The following SRGAP2B variants were observed in gnomAD, a reference collection of about 807,000 sequenced individuals.
The protein encoded by SRGAP2B is SLIT-ROBO Rho GTPase-activating protein 2B.
Under a neutral mutation model 22.2 loss-of-function variants are expected in SRGAP2B, and 9 were observed. The ratio of observed to expected loss-of-function variants is 0.41; its 90% CI spans 0.24 to 0.71. SRGAP2B has a LOEUF of 0.71. Ranked by LOEUF, SRGAP2B falls within the 30% of genes least tolerant of loss-of-function variation. SRGAP2B has a pLI of 0.35. For synonymous variants in SRGAP2B, 36 were observed against 87.4 expected, an observed-to-expected ratio of 0.41 and a Z score of 3.28; for missense variants, 114 against 235.8, an observed-to-expected ratio of 0.48 and a Z score of 3.38.
chr1:144,911,646 C>T (rs1663420532), intron 5 of SRGAP2B, among the ~76,000 whole-genome samples: 1 of 146,258 alleles, frequency 6.8e-6, no homozygotes, highest in South Asian at 2.1e-4. Flanking sequence ...GAGACCGAGT[C>T]TTGCTCTGTC....
At chr1:144,957,205 T>C (rs1553610497) in intron 3 of SRGAP2B, among the ~76,000 whole-genome samples, 1 of 150,726 alleles carries the variant, frequency 6.6e-6, no homozygotes, top group African/African-American at 2.5e-5. Flanking sequence ...GAGTTGAGAG[T>C]AGCTTGGTTA....
At chr1:145,008,907 C>T (rs1194341648) in intron 2 of SRGAP2B, among the ~76,000 whole-genome samples, 1 of 149,710 alleles carries the variant, frequency 6.7e-6, no homozygotes, top group African/African-American at 2.5e-5. Flanking sequence ...CGCGGTGGCT[C>T]ACGCCTATAA....
chr1:144,929,438 G>A (rs1665017326), intron 4 of SRGAP2B, among the ~76,000 whole-genome samples: 1 of 150,346 alleles, frequency 6.7e-6, no homozygotes, highest in Non-Finnish European at 1.5e-5. Context: ...TATAGTTTTG[G>A]CTCTTGCATT....
chr1:145,079,947 C>T lies in SRGAP2B; in HGVS notation c.67+12888G>A, dbSNP rs587716204. ...AGTTCCATAACCACACTGCCTCCCC[C>T]AGGTTTGTCCCAGACCAGATGTCAG... is the stretch of plus-strand genomic sequence containing the variant. On this transcript the variant is annotated intron_variant, in intron 2 of 9. Transcript: ENST00000612199. Among the ~76,000 whole-genome samples the T allele has an allele frequency of 2.0e-3, 302 of 150,012 alleles. 16 individuals carry two copies. The highest frequency in any genetic ancestry group is 7.2e-3 in the African/African-American group (289 of 39,898).
In SRGAP2B at chr1:144,921,189, A is replaced by AT. The variant is rs1160927371; in HGVS notation, c.424-6436dup. On this transcript the variant is annotated intron_variant, in intron 4 of 9. Coordinates refer to ENST00000612199, the Ensembl canonical transcript of SRGAP2B. ...AGTTAGTTTTTTTAGTTTAAGATCA[A>AT]TTTTTTTTCCTGTCCCAGCCAAGAG... is the stretch of plus-strand genomic sequence containing the variant. Among the ~76,000 whole-genome samples, 6 of 131,496 alleles carry AT rather than the reference A, an allele frequency of 4.6e-5. No homozygotes were observed. The East Asian group carries it at 6.5e-4, about 14-fold the overall frequency. 86.3% of individuals were successfully genotyped at this position (131,496 alleles called of 152,430 possible).
intron 2 of SRGAP2B, among the ~76,000 whole-genome samples, chr1:145,020,551 C>T (rs1469272987): frequency 6.9e-6 from 1 of 145,378 alleles, no homozygotes; most frequent in Non-Finnish European, 1.5e-5. Flanking sequence ...CTTCTAAATA[C>T]TAGCAATTTA....
At chr1:144,916,123 G>A (rs1663877211) in intron 4 of SRGAP2B, among the ~76,000 whole-genome samples, 2 of 150,204 alleles carry the variant, frequency 1.3e-5, no homozygotes, top group South Asian at 4.2e-4. Flanking sequence ...ATTATAATAA[G>A]GAAACTAGAA....
At chr1:144,973,093 G>A (rs1309067103) in intron 3 of SRGAP2B, among the ~76,000 whole-genome samples, 1 of 146,728 alleles carries the variant, frequency 6.8e-6, no homozygotes, top group Non-Finnish European at 1.5e-5. Context: ...GGGTGAAAGA[G>A]TGAGACCCCA....
intron 2 of SRGAP2B, among the ~76,000 whole-genome samples, chr1:145,009,046 G>C (rs1189746053): frequency 6.8e-6 from 1 of 146,250 alleles, no homozygotes; most frequent in Non-Finnish European, 1.5e-5. Flanking sequence ...GCGTGGTGGC[G>C]GGCGCCTGTA....
intron 5 of SRGAP2B, among the ~76,000 whole-genome samples, chr1:144,909,806 C>A: frequency 6.6e-6 from 1 of 150,478 alleles, no homozygotes; most frequent in East Asian, 1.9e-4. Flanking sequence ...CAACTCAGCT[C>A]CCAGACATGA....
intron 3 of SRGAP2B, among the ~76,000 whole-genome samples, chr1:144,989,350 GGTGTGCAGC>G (rs2102114392): frequency 2.0e-5 from 1 of 51,230 alleles, no homozygotes; most frequent in East Asian, 4.4e-4. Context: ...CACCCAGGCT[GGTGTGCAGC>G]GGTGCAGTCA....
At chr1:144,998,804 G>A (rs1383254069) in intron 2 of SRGAP2B, among the ~76,000 whole-genome samples, 3 of 150,934 alleles carry the variant, frequency 2.0e-5, no homozygotes, top group Admixed American at 6.6e-5. Context: ...AGGGAAAAAT[G>A]TGCTGCCTTA....
chr1:144,954,628 T>C (rs1667126737), intron 4 of SRGAP2B, among the ~76,000 whole-genome samples: 1 of 150,710 alleles, frequency 6.6e-6, no homozygotes, highest in Admixed American at 6.6e-5. Context: ...CATGAATAAA[T>C]GATTCCACTT....
At chr1:144,984,820 T>C (rs1669596960) in intron 3 of SRGAP2B, among the ~76,000 whole-genome samples, 1 of 150,886 alleles carries the variant, frequency 6.6e-6, no homozygotes, top group Non-Finnish European at 1.5e-5. Flanking sequence ...GTTTCCAGTG[T>C]CTATTGCATA....
chr1:145,045,094 A>G (rs1334345947), intron 2 of SRGAP2B, among the ~76,000 whole-genome samples: 1 of 139,346 alleles, frequency 7.2e-6, no homozygotes, highest in Admixed American at 7.3e-5. Flanking sequence ...CATCCTGGTT[A>G]ACACGGTGAA....
chr1:145,089,169 CCT>C (rs1231264439), intron 2 of SRGAP2B, among the ~76,000 whole-genome samples: 7 of 150,762 alleles, frequency 4.6e-5, no homozygotes, highest in Admixed American at 4.6e-4. Flanking sequence ...GAACCAATCC[CCT>C]GAGGATACTG....
At chr1:145,020,590 C>T (rs1446047879) in intron 2 of SRGAP2B, among the ~76,000 whole-genome samples, 2 of 146,326 alleles carry the variant, frequency 1.4e-5, no homozygotes, top group Admixed American at 6.7e-5. Flanking sequence ...TGTTTGTCTC[C>T]CTCTTCCCCA....
chr1:144,931,368 C>G (rs1665167112), intron 4 of SRGAP2B, among the ~76,000 whole-genome samples: 1 of 150,108 alleles, frequency 6.7e-6, no homozygotes, highest in Non-Finnish European at 1.5e-5. Context: ...CTGTATTCTC[C>G]TAATCTTATA....
At chr1:144,984,376 A>AAAT (rs1366595588) in intron 3 of SRGAP2B, among the ~76,000 whole-genome samples, 1 of 149,102 alleles carries the variant, frequency 6.7e-6, no homozygotes, top group Non-Finnish European at 1.5e-5. Context: ...AAAAAAAAAA[A>AAAT]AACAAAAAAG....
Sources: gnomAD v4.1 joint callset for allele counts (sites outside exome capture counted in the v4.1 genomes callset) on GRCh38, gnomAD v4.1.1 for gene constraint, MANE v1.5 for transcripts, NCBI Gene and HGNC (gene_info 2026-07-23, HGNC 2026-07-21) for gene names.